Variants in ELP4 observed in about 807,000 individuals in gnomAD.
The protein encoded by ELP4 is elongator complex protein 4.
In ELP4, 51 loss-of-function variants were observed where a neutral mutation model predicts 48.9. That is an observed-to-expected ratio of 1.04 (90% confidence interval 0.83 to 1.32). ELP4 has a LOEUF of 1.32. Ranked by LOEUF, ELP4 falls within the 40% of genes most tolerant of loss-of-function variation. The probability of loss-of-function intolerance (pLI) is 0.00; values close to 1 mark genes in which losing one functional copy is unlikely to be tolerated. For synonymous variants in ELP4, 210 were observed against 189.2 expected (o/e 1.11, Z -0.90); for missense variants, 519 against 514.6 (o/e 1.01, Z -0.08).
At chr11:31,767,431 GGGAA>G (rs1948065018) in intron 9 of ELP4, 1 of 151,924 alleles carries the variant, frequency 6.6e-6, no homozygotes, top group African/African-American at 2.4e-5. Context: ...AGGTGGTGGG[GGGAA>G]ATCCCCCACA....
chr11:31,563,856 A>G (rs916240258), intron 3 of ELP4, among the ~76,000 whole-genome samples: 1 of 152,272 alleles, frequency 6.6e-6, no homozygotes, highest in African/African-American at 2.4e-5. Context: ...TATAACAACA[A>G]TACAGTATGT....
chr11:31,716,358 G>A (rs1037735659), intron 9 of ELP4, among the ~76,000 whole-genome samples: 1 of 152,112 alleles, frequency 6.6e-6, no homozygotes, highest in Non-Finnish European at 1.5e-5. Context: ...TAGTGTAGTG[G>A]TTAAGTGCAC....
intron 9 of ELP4, among the ~76,000 whole-genome samples, chr11:31,750,276 G>A (rs1043662936): frequency 1.3e-5 from 2 of 152,136 alleles, no homozygotes; most frequent in Non-Finnish European, 2.9e-5. Context: ...AGTACAGATT[G>A]GTAATGGAAA....
At chr11:31,647,563 A>G (rs1432955746) in intron 7 of ELP4, 178 bp from the exon 8 acceptor site, 1 of 488,322 alleles carries the variant, frequency 2.0e-6, no homozygotes, top group African/African-American at 2.0e-5. Context: ...CAGCATTTTC[A>G]ATTAAGGGCA....
intron 9 of ELP4, chr11:31,767,273 A>G (rs900792814): frequency 1.3e-5 from 2 of 152,064 alleles, no homozygotes; most frequent in Non-Finnish European, 2.9e-5. Flanking sequence ...CAGGGTTTCT[A>G]CTTGACCAGA....
intron 3 of ELP4, among the ~76,000 whole-genome samples, chr11:31,553,239 T>C (rs1367207968): frequency 2.0e-5 from 3 of 152,176 alleles, no homozygotes; most frequent in Non-Finnish European, 4.4e-5. Context: ...AAATGAATCC[T>C]TACTATATAT....
chr11:31,605,912 C>T (rs1957866622), intron 5 of ELP4, among the ~76,000 whole-genome samples: 1 of 151,942 alleles, frequency 6.6e-6, no homozygotes, highest in South Asian at 2.1e-4. Flanking sequence ...AACACCCAAA[C>T]TCAAGTTTCT....
At chr11:31,546,901 A>G (rs1956732057) in intron 3 of ELP4, among the ~76,000 whole-genome samples, 1 of 152,228 alleles carries the variant, frequency 6.6e-6, no homozygotes, top group Non-Finnish European at 1.5e-5. Flanking sequence ...TACATAACAA[A>G]ATGAAGGCAG....
intron 5 of ELP4, among the ~76,000 whole-genome samples, chr11:31,606,416 G>T (rs377088217): frequency 1.3e-5 from 2 of 152,094 alleles, no homozygotes; most frequent in East Asian, 3.9e-4. Flanking sequence ...ACTATCATAT[G>T]TGAGGATATA....
chr11:31,598,981 A>G (rs921658987), intron 4 of ELP4: 1 of 152,198 alleles, frequency 6.6e-6, no homozygotes, highest in African/African-American at 2.4e-5. Context: ...ACCACTCTGT[A>G]TCATCTTCTT....
intron 6 of ELP4, among the ~76,000 whole-genome samples, chr11:31,630,338 T>C (rs1944836150): frequency 6.8e-6 from 1 of 147,656 alleles, no homozygotes; most frequent in Non-Finnish European, 1.5e-5. Context: ...TCCTTTTCAT[T>C]TTTTTTTTTT....
At chr11:31,739,122 C>T (rs945428379) in intron 9 of ELP4, among the ~76,000 whole-genome samples, 2 of 151,898 alleles carry the variant, frequency 1.3e-5, no homozygotes, top group Non-Finnish European at 2.9e-5. Flanking sequence ...ATTTTGATCT[C>T]ATACACCAAT....
intron 1 of ELP4, among the ~76,000 whole-genome samples, chr11:31,512,872 T>G (rs2133867229): frequency 7.2e-6 from 1 of 139,254 alleles, no homozygotes; most frequent in East Asian, 2.3e-4. Flanking sequence ...ATATCTAACC[T>G]GGAAGAATTA....
intron 9 of ELP4, among the ~76,000 whole-genome samples, chr11:31,730,122 A>G (rs1372174875): frequency 6.6e-6 from 1 of 152,178 alleles, no homozygotes; most frequent in Non-Finnish European, 1.5e-5. Context: ...AGGAAAATTC[A>G]TTGCACCCTC....
intron 9 of ELP4, among the ~76,000 whole-genome samples, chr11:31,725,501 A>G (rs929950150): frequency 2.0e-5 from 3 of 152,182 alleles, no homozygotes; most frequent in Admixed American, 1.3e-4. Context: ...GCTTGACAGG[A>G]ACAGGGACAG....
chr11:31,693,704 A>G (rs1362003437), intron 9 of ELP4, among the ~76,000 whole-genome samples: 1 of 152,156 alleles, frequency 6.6e-6, no homozygotes, highest in East Asian at 1.9e-4. Flanking sequence ...GTCAAATAGT[A>G]TTTCTAGTTC....
chr11:31,757,304 A>G (rs1348772532), intron 9 of ELP4, among the ~76,000 whole-genome samples: 1 of 152,210 alleles, frequency 6.6e-6, no homozygotes, highest in Non-Finnish European at 1.5e-5. Context: ...CAGGGGAAGT[A>G]TAAAGTTAGT....
chr11:31,742,324 A>G (rs1470064744), intron 9 of ELP4, among the ~76,000 whole-genome samples: 1 of 152,230 alleles, frequency 6.6e-6, no homozygotes, highest in Admixed American at 6.5e-5. Context: ...AACACTCTGC[A>G]GGATATTATC....
chr11:31,650,267 AT>A, intron 9 of ELP4, 46 bp downstream of exon 9: 1 of 616,268 alleles, frequency 1.6e-6, no homozygotes, highest in Non-Finnish European at 2.9e-6. Flanking sequence ...AGATAAACTT[AT>A]TTTTAACTTA....
Sources: gnomAD v4.1 joint callset for allele counts (sites outside exome capture counted in the v4.1 genomes callset) on GRCh38, gnomAD v4.1.1 for gene constraint, MANE v1.5 for transcripts, NCBI Gene and HGNC (gene_info 2026-07-23, HGNC 2026-07-21) for gene names.